Variants in LRRC3B observed in about 807,000 individuals in gnomAD.
LRRC3B encodes the protein leucine-rich repeat-containing protein 3B.
Under a neutral mutation model 12.8 loss-of-function variants are expected in LRRC3B, and 2 were observed. That is an observed-to-expected ratio of 0.16 (90% CI 0.06 to 0.49). The LOEUF (loss-of-function observed/expected upper bound fraction) is 0.49. Ranked by LOEUF, LRRC3B falls within the 20% of genes least tolerant of loss-of-function variation. The pLI is 0.96. For missense variants in LRRC3B, 189 were observed against 319.4 expected (o/e 0.59, Z 3.11); for synonymous variants, 132 against 122.0 (o/e 1.08, Z -0.54).
rs1186942021 is a variant in LRRC3B, at chr3:26,671,346, G to GTATATATATATA, written c.-160-38166_-160-38165insATATATATATAT. On this transcript the variant is annotated intron_variant, in intron 1 of 1. Transcript: ENST00000396641. ...ATCTTATAAATGTGTGTGTATATAT[G>GTATATATATATA]TGTGTATATATATATATATATATAT... Among the ~76,000 whole-genome samples, 38 of 56,344 alleles carry GTATATATATATA rather than the reference G, an allele frequency of 6.7e-4. 3 individuals carry two copies. Among genetic ancestry groups the GTATATATATATA allele is most frequent in the Non-Finnish European group, 8.8e-4 (31 of 35,288 alleles). 37.0% of individuals were successfully genotyped at this position (56,344 alleles called of 152,430 possible).
chr3:26,638,722 G>C (rs1162127917), intron 1 of LRRC3B, among the ~76,000 whole-genome samples: 1 of 152,206 alleles, frequency 6.6e-6, no homozygotes, highest in Non-Finnish European at 1.5e-5. Context: ...ATTCAAAATA[G>C]TGTTGGGTCT....
At chr3:26,642,625 T>C (rs1167198807) in intron 1 of LRRC3B, among the ~76,000 whole-genome samples, 1 of 152,098 alleles carries the variant, frequency 6.6e-6, no homozygotes, top group African/African-American at 2.4e-5. Flanking sequence ...CACAGGCCTG[T>C]TTCTCTACAG....
rs1461673808 is a variant in LRRC3B at position 26,691,101 on chromosome 3, G to GTATATATATATA, written c.-160-18411_-160-18410insATATATATATAT. 2.9e-3 allele frequency among the ~76,000 whole-genome samples: 132 copies of GTATATATATATA among 45,622 alleles called. 2 individuals carry two copies. The East Asian group carries it at 0.064, about 22-fold the overall frequency. The allele number at this position is 45,622 out of a possible 152,430, so 29.9% of individuals were successfully genotyped here. ...TATGTGTGTGTGTATATGTGTGTGT[G>GTATATATATATA]TGTGTATATATATATATATATATAT... On this transcript the variant is annotated intron_variant, in intron 1 of 1. Transcript: ENST00000396641.
chr3:26,687,164 T>C (rs62247438), intron 1 of LRRC3B, among the ~76,000 whole-genome samples: 212 of 152,252 alleles, frequency 1.4e-3, no homozygotes, highest in Non-Finnish European at 2.3e-3. Context: ...ACAATTCCAT[T>C]GGTTCCAGGG....
intron 1 of LRRC3B, among the ~76,000 whole-genome samples, chr3:26,684,845 A>G (rs948320150): frequency 1.3e-5 from 2 of 152,212 alleles, no homozygotes; most frequent in African/African-American, 2.4e-5. Context: ...GGAACTCATT[A>G]TTCATTCAGA....
chr3:26,710,320 G>T, exon 2 of LRRC3B: 1 of 1,614,012 alleles, frequency 6.2e-7, no homozygotes, highest in Non-Finnish European at 8.5e-7. Context: ...GGTTCACTAT[G>T]GTGATCTCAT....
At chr3:26,694,766 A>C (rs1700267779) in intron 1 of LRRC3B, 1 of 152,192 alleles carries the variant, frequency 6.6e-6, no homozygotes, top group Non-Finnish European at 1.5e-5. Flanking sequence ...GGGTGGCTCC[A>C]CTGGTAAGAA....
chr3:26,636,094 G>A (rs780835143), intron 1 of LRRC3B, among the ~76,000 whole-genome samples: 8 of 152,104 alleles, frequency 5.3e-5, no homozygotes, highest in Non-Finnish European at 1.2e-4. Flanking sequence ...TATTTACCCA[G>A]GATGCAAGCA....
At chr3:26,630,520 T>C (rs776353853) in intron 1 of LRRC3B, among the ~76,000 whole-genome samples, 8 of 152,216 alleles carry the variant, frequency 5.3e-5, no homozygotes, top group Non-Finnish European at 1.0e-4. Flanking sequence ...GACTAGTGGC[T>C]ACTATTGTTT....
chr3:26,688,174 A>G (rs968801404), intron 1 of LRRC3B, among the ~76,000 whole-genome samples: 3 of 152,264 alleles, frequency 2.0e-5, no homozygotes, highest in Non-Finnish European at 4.4e-5. Context: ...GTTGAGTAAA[A>G]AATAATTAAA....
At chr3:26,691,687 C>A (rs1700197346) in intron 1 of LRRC3B, among the ~76,000 whole-genome samples, 1 of 152,094 alleles carries the variant, frequency 6.6e-6, no homozygotes, top group South Asian at 2.1e-4. Context: ...TGTTGGGGGA[C>A]CAATGGTCAA....
At chr3:26,685,503 C>CTCTCTG (rs1246239131) in intron 1 of LRRC3B, among the ~76,000 whole-genome samples, 5 of 46,922 alleles carry the variant, frequency 1.1e-4, no homozygotes, top group African/African-American at 4.2e-4. Flanking sequence ...CTCTCTCTCT[C>CTCTCTG]TCTCTCTCTC....
intron 1 of LRRC3B, among the ~76,000 whole-genome samples, chr3:26,643,766 T>C (rs972152154): frequency 6.6e-6 from 1 of 152,238 alleles, no homozygotes; most frequent in African/African-American, 2.4e-5. Context: ...GTGAGTCTGA[T>C]GTCAGGGGAC....
At chr3:26,695,263 C>T (rs1459824546) in intron 1 of LRRC3B, among the ~76,000 whole-genome samples, 3 of 152,184 alleles carry the variant, frequency 2.0e-5, no homozygotes, top group Non-Finnish European at 4.4e-5. Flanking sequence ...CATGGTGGCT[C>T]ACGCCTGTAA....
At chr3:26,661,662 C>A (rs897217165) in intron 1 of LRRC3B, among the ~76,000 whole-genome samples, 3 of 152,138 alleles carry the variant, frequency 2.0e-5, no homozygotes, top group Non-Finnish European at 2.9e-5. Flanking sequence ...CTTCCCCATT[C>A]TTTCCTGTTA....
In LRRC3B at chr3:26,661,370, A is replaced by G. The variant is rs974960376; in HGVS notation, c.-161+38133A>G. 3.9e-5 allele frequency among the ~76,000 whole-genome samples: 6 copies of G among 152,200 alleles called. No homozygotes were observed. The East Asian group carries it at 9.6e-4, about 24-fold the overall frequency. ...TCCATGCTTAAATTGGGAGAATGCT[A>G]ATAAATCAGAGGATGACAAATGCCA... On this transcript the variant is annotated intron_variant, in intron 1 of 1. Coordinates refer to ENST00000396641, the Ensembl canonical transcript of LRRC3B.
intron 1 of LRRC3B, among the ~76,000 whole-genome samples, chr3:26,666,751 TA>T (rs1357925786): frequency 6.6e-6 from 1 of 152,150 alleles, no homozygotes; most frequent in African/African-American, 2.4e-5. Flanking sequence ...GTTTTCCCAC[TA>T]ATGTGCTTTT....
At position 26,671,541 on chromosome 3, in the gene LRRC3B, G is replaced by A. The variant is rs566736491; in HGVS notation, c.-160-37972G>A. Among the ~76,000 whole-genome samples the A allele has an allele frequency of 1.4e-4, 21 of 150,650 alleles. No individual in the cohort carries two copies. The South Asian group carries it at 2.3e-3, about 17-fold the overall frequency. On this transcript the variant is annotated intron_variant, in intron 1 of 1. Coordinates refer to ENST00000396641, the Ensembl canonical transcript of LRRC3B. ...CAAGTAGCTGGGACTACAGGCGCGC[G>A]CCACCAAGCCCAGCTAATTTTTTTG...
At chr3:26,637,738 A>G (rs898708479) in intron 1 of LRRC3B, among the ~76,000 whole-genome samples, 1 of 152,136 alleles carries the variant, frequency 6.6e-6, no homozygotes, top group Non-Finnish European at 1.5e-5. Context: ...TTAAATTTAA[A>G]AAAGTACATA....
Sources: gnomAD v4.1 joint callset for allele counts (sites outside exome capture counted in the v4.1 genomes callset) on GRCh38, gnomAD v4.1.1 for gene constraint, MANE v1.5 for transcripts, NCBI Gene and HGNC (gene_info 2026-07-23, HGNC 2026-07-21) for gene names.